HORMAD2: variants seen among roughly 807,000 people sequenced by gnomAD.
HORMAD2 encodes HORMA domain containing 2.
HORMAD2 carries 45 observed loss-of-function variants against 38.8 expected under a neutral mutation model. The observed-to-expected ratio is 1.16, with a 90% CI of 0.91 to 1.49. The LOEUF (loss-of-function observed/expected upper bound fraction) is 1.49. HORMAD2 is among the 40% of genes most tolerant of loss of function. HORMAD2 has a pLI of 0.00. For missense variants in HORMAD2, 338 were observed against 367.0 expected (o/e 0.92, Z 0.65); for synonymous variants, 126 against 122.8 (o/e 1.03, Z -0.17).
chr22:30,175,173 CTACTA>C (rs1926354635), intron 10 of HORMAD2, among the ~76,000 whole-genome samples: 1 of 144,052 alleles, frequency 6.9e-6, no homozygotes, highest in Non-Finnish European at 1.5e-5. Context: ...TTTAGAAACT[CTACTA>C]TATATTCTCA....
At chr22:30,078,010 T>C (rs7286304), upstream of HORMAD2, among the ~76,000 whole-genome samples, 13,599 of 152,234 alleles carry the variant, frequency 0.089, 1,067 homozygotes, top group South Asian at 0.25. Flanking sequence ...GCGGTAAAGA[T>C]GAAGGCTTTA....
intron 10 of HORMAD2, among the ~76,000 whole-genome samples, chr22:30,168,559 C>T (rs1925923299): frequency 1.3e-5 from 2 of 152,082 alleles, no homozygotes; most frequent in East Asian, 1.9e-4. Flanking sequence ...ACCTCCTACT[C>T]CCTCAACTTC....
At chr22:30,150,716 A>T (rs1480400633) in intron 10 of HORMAD2, among the ~76,000 whole-genome samples, 1 of 152,208 alleles carries the variant, frequency 6.6e-6, no homozygotes, top group Non-Finnish European at 1.5e-5. Context: ...CAGTTTCCCC[A>T]GCATGCAGGC....
intron 10 of HORMAD2, among the ~76,000 whole-genome samples, chr22:30,152,687 T>C (rs1462582650): frequency 3.9e-5 from 6 of 152,186 alleles, no homozygotes; most frequent in Non-Finnish European, 8.8e-5. Flanking sequence ...CTTATTTCTA[T>C]GATATACTTC....
the HORMAD2 span, among the ~76,000 whole-genome samples, chr22:30,200,156 A>C: frequency 3.3e-5 from 5 of 151,892 alleles, no homozygotes; most frequent in East Asian, 9.7e-4. Flanking sequence ...ACCCCAAGAG[A>C]TCCACCCGCC....
At chr22:30,087,525 G>T (rs1351020007) in intron 1 of HORMAD2, among the ~76,000 whole-genome samples, 2 of 152,092 alleles carry the variant, frequency 1.3e-5, no homozygotes, top group Non-Finnish European at 2.9e-5. Context: ...TTCTTGCATT[G>T]CTATAAAGAA....
At chr22:30,147,542 T>G (rs1924493994) in intron 10 of HORMAD2, among the ~76,000 whole-genome samples, 1 of 151,996 alleles carries the variant, frequency 6.6e-6, no homozygotes. Context: ...GATAAAACTT[T>G]CAGGAAAAAC....
chr22:30,156,276 T>A (rs1925067985), intron 10 of HORMAD2, among the ~76,000 whole-genome samples: 1 of 152,220 alleles, frequency 6.6e-6, no homozygotes, highest in Admixed American at 6.5e-5. Context: ...TCCTACCTAG[T>A]GTAGCTTTCA....
At chr22:30,094,104 A>G in intron 2 of HORMAD2, 101 bp downstream of exon 2, 1 of 832,820 alleles carries the variant, frequency 1.2e-6, no homozygotes, top group Admixed American at 2.5e-5. Flanking sequence ...CAGCAGTTTT[A>G]TCAGTTAATT....
intron 7 of HORMAD2, 109 bp from the exon 8 acceptor site, chr22:30,118,871 A>G (rs1922235859): frequency 4.3e-6 from 3 of 704,402 alleles, no homozygotes; most frequent in African/African-American, 3.6e-5. Flanking sequence ...ACAGCTATAT[A>G]GGAAGTACAG....
intron 1 of HORMAD2, among the ~76,000 whole-genome samples, chr22:30,083,199 C>G (rs1378749254): frequency 6.6e-6 from 1 of 152,088 alleles, no homozygotes; most frequent in Non-Finnish European, 1.5e-5. Context: ...CCCAGGAGGT[C>G]GAGGTTGCAG....
At chr22:30,092,251 AT>A (rs1408256488) in intron 1 of HORMAD2, among the ~76,000 whole-genome samples, 3 of 148,696 alleles carry the variant, frequency 2.0e-5, no homozygotes. Context: ...TTCAATTTGC[AT>A]TTCCCTGATG....
the HORMAD2 span, among the ~76,000 whole-genome samples, chr22:30,195,698 A>G: frequency 1.3e-5 from 2 of 152,252 alleles, no homozygotes; most frequent in African/African-American, 4.8e-5. Context: ...TAGTGAACTC[A>G]GGCCTGGGAT....
At chr22:30,104,357 T>C (rs1468792988) in intron 4 of HORMAD2, 44 bp from the exon 5 acceptor site, 2 of 1,565,384 alleles carry the variant, frequency 1.3e-6, no homozygotes. Flanking sequence ...TTTTTTTGGA[T>C]TTGCATATGG....
chr22:30,200,921 T>C, the HORMAD2 span, among the ~76,000 whole-genome samples: 108 of 152,014 alleles, frequency 7.1e-4, no homozygotes, highest in African/African-American at 2.6e-3. Context: ...GGCTAATTTT[T>C]GTATTTTTAG....
At chr22:30,168,561 C>T (rs1925923510) in intron 10 of HORMAD2, among the ~76,000 whole-genome samples, 1 of 152,252 alleles carries the variant, frequency 6.6e-6, no homozygotes, top group South Asian at 2.1e-4. Flanking sequence ...CTCCTACTCC[C>T]TCAACTTCTA....
intron 10 of HORMAD2, among the ~76,000 whole-genome samples, chr22:30,134,261 T>C (rs750540557): frequency 6.6e-6 from 1 of 151,550 alleles, no homozygotes; most frequent in Non-Finnish European, 1.5e-5. Context: ...TAGCCAGGCA[T>C]TGTGGCGGAT....
chr22:30,190,085 G>A, the HORMAD2 span, among the ~76,000 whole-genome samples: 3 of 152,132 alleles, frequency 2.0e-5, no homozygotes, highest in Non-Finnish European at 4.4e-5. Flanking sequence ...TTAGCCATGT[G>A]GGCTTGGGTG....
At chr22:30,206,435 G>A in the HORMAD2 span, among the ~76,000 whole-genome samples, 6 of 152,260 alleles carry the variant, frequency 3.9e-5, no homozygotes, top group African/African-American at 1.2e-4. Context: ...TGGGATTACA[G>A]GCATGAGCCA....
Sources: gnomAD v4.1 joint callset for allele counts (sites outside exome capture counted in the v4.1 genomes callset) on GRCh38, gnomAD v4.1.1 for gene constraint, MANE v1.5 for transcripts, NCBI Gene and HGNC (gene_info 2026-07-23, HGNC 2026-07-21) for gene names.